The following KCNAB1 variants were observed in gnomAD, a reference collection of about 807,000 sequenced individuals.
KCNAB1 encodes potassium voltage-gated channel subfamily A regulatory beta subunit 1.
KCNAB1 carries 35 observed loss-of-function variants against 64.6 expected under a neutral mutation model. The observed-to-expected ratio is 0.54, with a 90% CI of 0.41 to 0.72. The LOEUF is 0.72. Ranked by LOEUF, KCNAB1 falls within the 30% of genes least tolerant of loss-of-function variation. KCNAB1 has a pLI of 0.00. For missense variants in KCNAB1, 401 were observed against 512.9 expected (o/e 0.78, Z 2.11); for synonymous variants, 177 against 183.8 (o/e 0.96, Z 0.30).
chr3:156,312,678 C>T (rs891887733), intron 1 of KCNAB1, among the ~76,000 whole-genome samples: 3 of 112,496 alleles, frequency 2.7e-5, no homozygotes, highest in Admixed American at 1.3e-4. Context: ...GCACTCCAGC[C>T]TAGGTGACAG....
intron 1 of KCNAB1, among the ~76,000 whole-genome samples, chr3:156,318,921 A>T (rs1449954393): frequency 6.6e-6 from 1 of 152,232 alleles, no homozygotes; most frequent in Non-Finnish European, 1.5e-5. Context: ...CACACAGATG[A>T]TTAGTGGCAG....
At chr3:156,493,578 C>T (rs1189598918) in intron 8 of KCNAB1, among the ~76,000 whole-genome samples, 1 of 152,090 alleles carries the variant, frequency 6.6e-6, no homozygotes, top group Admixed American at 6.6e-5. Flanking sequence ...TGGAGATTAA[C>T]ATTAACACAA....
At chr3:156,391,730 G>T (rs1210374111) in intron 1 of KCNAB1, among the ~76,000 whole-genome samples, 1 of 152,140 alleles carries the variant, frequency 6.6e-6, no homozygotes, top group Non-Finnish European at 1.5e-5. Flanking sequence ...TTGAGACATT[G>T]ACCAGGCAAA....
intron 8 of KCNAB1, among the ~76,000 whole-genome samples, chr3:156,504,746 T>TTG (rs946094842): frequency 3.8e-5 from 5 of 130,404 alleles, no homozygotes; most frequent in African/African-American, 1.5e-4. Flanking sequence ...GTTTTTGTTT[T>TTG]TTTTGTTTTT....
At chr3:156,434,825 A>G (rs1716478028) in intron 2 of KCNAB1, among the ~76,000 whole-genome samples, 1 of 152,228 alleles carries the variant, frequency 6.6e-6, no homozygotes, top group African/African-American at 2.4e-5. Flanking sequence ...GATCCATAAG[A>G]TAAGTGGAAA....
Position 156,122,892 on chromosome 3 carries a change from T to G in KCNAB1, c.275+2006T>G, listed in dbSNP as rs368010780. Among the ~76,000 whole-genome samples, 6 of 152,314 alleles carry G rather than the reference T, an allele frequency of 3.9e-5. No individual in the cohort carries two copies. The South Asian group carries it at 1.0e-3, about 26-fold the overall frequency. On this transcript the variant is annotated intron_variant, in intron 1 of 13. Coordinates refer to ENST00000490337, the MANE Select transcript of KCNAB1 (RefSeq NM_172160.3). ...GCAGTTTTTCTCATCGCCAGCAACT[T>G]TTTTACCTCTCAAATGTTGGAACTA...
chr3:156,382,867 A>T (rs1560229562), intron 1 of KCNAB1, among the ~76,000 whole-genome samples: 1 of 152,222 alleles, frequency 6.6e-6, no homozygotes, highest in Non-Finnish European at 1.5e-5. Context: ...AGGGCTTGTT[A>T]CATGTCGCTG....
intron 1 of KCNAB1, among the ~76,000 whole-genome samples, chr3:156,189,228 T>A (rs1173156967): frequency 2.0e-5 from 3 of 152,222 alleles, no homozygotes; most frequent in Non-Finnish European, 4.4e-5. Context: ...ACCCAGCTGA[T>A]GGGATCACAG....
intron 1 of KCNAB1, among the ~76,000 whole-genome samples, chr3:156,397,006 T>C (rs1370920746): frequency 4.6e-5 from 7 of 152,210 alleles, no homozygotes; most frequent in Non-Finnish European, 1.0e-4. Flanking sequence ...TTACGATTGA[T>C]GTGTACATGT....
intron 1 of KCNAB1, among the ~76,000 whole-genome samples, chr3:156,126,182 A>G (rs1713643848): frequency 6.6e-6 from 1 of 152,174 alleles, no homozygotes. Flanking sequence ...TCATGAGGCT[A>G]CTAACAGCAT....
intron 8 of KCNAB1, among the ~76,000 whole-genome samples, chr3:156,494,198 CT>C (rs1310469979): frequency 6.6e-6 from 1 of 152,132 alleles, no homozygotes; most frequent in Non-Finnish European, 1.5e-5. Context: ...AAAAAGAACT[CT>C]CTCTTCTTCC....
chr3:156,213,215 C>CTTTTTTTTTTTTTTTTTTTTTT (rs5853744), intron 1 of KCNAB1, among the ~76,000 whole-genome samples: 1 of 142,874 alleles, frequency 7.0e-6, no homozygotes, highest in Non-Finnish European at 1.5e-5. Context: ...GTCTCTTTCA[C>CTTTTTTTTTTTTTTTTTTTTTT]TTTTTTTTTT....
chr3:156,220,982 C>T (rs1425239539), intron 1 of KCNAB1, among the ~76,000 whole-genome samples: 3 of 152,152 alleles, frequency 2.0e-5, no homozygotes, highest in Non-Finnish European at 4.4e-5. Flanking sequence ...GAATCCTTTC[C>T]CCATTGCTTG....
chr3:156,368,667 T>C (rs1384416169), intron 1 of KCNAB1, among the ~76,000 whole-genome samples: 13 of 152,334 alleles, frequency 8.5e-5, no homozygotes, highest in Non-Finnish European at 1.9e-4. Context: ...CTCTGACATT[T>C]ATTAATAAGT....
chr3:156,272,840 T>G (rs1449564651), intron 1 of KCNAB1, among the ~76,000 whole-genome samples: 2 of 152,046 alleles, frequency 1.3e-5, no homozygotes, highest in African/African-American at 2.4e-5. Context: ...CCAGCATGTC[T>G]CAGAGTCTTA....
intron 7 of KCNAB1, among the ~76,000 whole-genome samples, chr3:156,468,978 C>G (rs934352356): frequency 6.6e-6 from 1 of 152,210 alleles, no homozygotes; most frequent in African/African-American, 2.4e-5. Flanking sequence ...ACAAATAACT[C>G]AAGTCAGCTT....
At chr3:156,337,106 C>T (rs1347261111) in intron 1 of KCNAB1, among the ~76,000 whole-genome samples, 2 of 152,158 alleles carry the variant, frequency 1.3e-5, no homozygotes, top group African/African-American at 2.4e-5. Context: ...ATTCACATGG[C>T]GTTTAGATGT....
intron 1 of KCNAB1, among the ~76,000 whole-genome samples, chr3:156,165,102 C>T (rs1448628903): frequency 1.3e-5 from 2 of 151,624 alleles, no homozygotes; most frequent in East Asian, 3.9e-4. Flanking sequence ...AACGGTGAAA[C>T]CCCGTCGCTA....
In KCNAB1 at chr3:156,120,873, G is replaced by T; in HGVS notation, c.262G>T (p.Gly88Cys). 6.2e-7 allele frequency: 1 copy of T among 1,614,040 alleles called. No homozygotes were observed. The highest frequency in any genetic ancestry group is 8.5e-7 in the Non-Finnish European group (1 of 1,180,026). Residue 88 changes from glycine to cysteine, a missense_variant, in exon 1 of 14, where the codon GGC becomes TGC. Physicochemically the swap from Gly to Cys is radical, Grantham distance 159. Coordinates refer to ENST00000490337, the MANE Select transcript of KCNAB1 (RefSeq NM_172160.3). ...CGAGCACACCACCGTCTGCACCACA[G>T]GCATGCCGCACAGGTAAGCTGCCCC... ...SSEHTTVCTTGMPHRNLGKSG... is the reference protein window; with the variant it reads ...SSEHTTVCTTCMPHRNLGKSG...
Sources: gnomAD v4.1 joint callset for allele counts (sites outside exome capture counted in the v4.1 genomes callset) on GRCh38, gnomAD v4.1.1 for gene constraint, MANE v1.5 for transcripts, NCBI Gene and HGNC (gene_info 2026-07-23, HGNC 2026-07-21) for gene names.